Variants in TIAM2 observed in about 807,000 individuals in gnomAD.
TIAM2 encodes the protein TIAM Rac1 associated GEF 2, also known as rho guanine nucleotide exchange factor TIAM2.
TIAM2 carries 80 observed loss-of-function variants against 152.9 expected under a neutral mutation model. The observed-to-expected ratio is 0.52, with a 90% CI of 0.44 to 0.63. TIAM2 has a LOEUF of 0.63. Ranked by LOEUF, TIAM2 falls within the 30% of genes least tolerant of loss-of-function variation. The pLI is 0.00. For synonymous variants in TIAM2, 804 were observed against 838.0 expected (o/e 0.96, Z 0.70); for missense variants, 1,965 against 2,120.1 (o/e 0.93, Z 1.44).
chr6:155,117,496 G>A (rs373631737), intron 2 of TIAM2, among the ~76,000 whole-genome samples: 9 of 152,338 alleles, frequency 5.9e-5, no homozygotes, highest in Non-Finnish European at 1.3e-4. Context: ...AGGCTGGAAT[G>A]CAGTGGCGCC....
chr6:155,106,227 A>T (rs1778685178), intron 2 of TIAM2, among the ~76,000 whole-genome samples: 2 of 151,542 alleles, frequency 1.3e-5, no homozygotes, highest in African/African-American at 4.9e-5. Context: ...CTGGTTCCGA[A>T]CTCCTGACCT....
At chr6:155,145,108 G>A (rs1306261606) in intron 6 of TIAM2, among the ~76,000 whole-genome samples, 1 of 152,186 alleles carries the variant, frequency 6.6e-6, no homozygotes, top group Admixed American at 6.5e-5. Flanking sequence ...AAGATTCCCA[G>A]ATTTGGGGCT....
At chr6:155,128,480 T>A (rs2115035664) in intron 3 of TIAM2, among the ~76,000 whole-genome samples, 1 of 152,248 alleles carries the variant, frequency 6.6e-6, no homozygotes, top group Non-Finnish European at 1.5e-5. Flanking sequence ...AGTTTATGTA[T>A]AATGAAAATG....
chr6:155,045,307 C>A (rs189943658), intron 1 of TIAM2, among the ~76,000 whole-genome samples: 16 of 152,168 alleles, frequency 1.1e-4, no homozygotes, highest in Admixed American at 1.0e-3. Context: ...CGTGATCCAC[C>A]CATCTTGGCC....
intron 4 of TIAM2, among the ~76,000 whole-genome samples, chr6:155,135,731 A>G (rs4870360): frequency 0.64 from 97,130 of 151,972 alleles, 31,422 homozygotes; most frequent in Admixed American, 0.76. Context: ...CATTGTATTT[A>G]GAGCTACCTG....
At chr6:155,040,104 A>C (rs1016063940) in intron 1 of TIAM2, among the ~76,000 whole-genome samples, 1 of 152,160 alleles carries the variant, frequency 6.6e-6, no homozygotes. Context: ...TTTTCTGAGA[A>C]ATTATATGAA....
chr6:155,230,403 C>G (rs1346860262), intron 15 of TIAM2, among the ~76,000 whole-genome samples: 2 of 152,214 alleles, frequency 1.3e-5, no homozygotes, highest in Non-Finnish European at 2.9e-5. Context: ...AACCCTGGCT[C>G]CAGTGTTAGC....
At chr6:155,198,689 A>AAAAAAAAAG (rs1781408304) in intron 14 of TIAM2, among the ~76,000 whole-genome samples, 1 of 142,726 alleles carries the variant, frequency 7.0e-6, no homozygotes, top group African/African-American at 2.5e-5. Flanking sequence ...AAAAAAAAAA[A>AAAAAAAAAG]ATCTCTTAAT....
At chr6:155,017,237 T>C (rs1562290771) in intron 1 of TIAM2, among the ~76,000 whole-genome samples, 1 of 152,106 alleles carries the variant, frequency 6.6e-6, no homozygotes, top group Non-Finnish European at 1.5e-5. Flanking sequence ...TAATAAGGCT[T>C]ATCCAGGAAA....
chr6:155,168,023 G>A (rs915021211), intron 9 of TIAM2, among the ~76,000 whole-genome samples: 12 of 152,056 alleles, frequency 7.9e-5, no homozygotes, highest in South Asian at 2.1e-4. Flanking sequence ...GCATTTGGTC[G>A]AACATTTTTT....
intron 15 of TIAM2, among the ~76,000 whole-genome samples, chr6:155,231,625 C>G (rs576063899): frequency 2.7e-5 from 4 of 150,016 alleles, no homozygotes; most frequent in Non-Finnish European, 5.9e-5. Flanking sequence ...CCTGTGGGCC[C>G]TGCCAGCTTC....
intron 20 of TIAM2, 150 bp from the exon 21 acceptor site, chr6:155,249,701 G>T: frequency 1.8e-6 from 1 of 552,454 alleles, no homozygotes. Context: ...GCTACAGTGG[G>T]CTGTTGTGAC....
chr6:155,251,080 T>A, intron 22 of TIAM2, 59 bp downstream of exon 22: 1 of 1,459,500 alleles, frequency 6.9e-7, no homozygotes, highest in South Asian at 1.1e-5. Context: ...CGGAAGAACT[T>A]CACTAGCCGC....
chr6:155,027,288 A>G (rs1320883072), intron 1 of TIAM2, among the ~76,000 whole-genome samples: 1 of 150,360 alleles, frequency 6.7e-6, no homozygotes, highest in Admixed American at 6.7e-5. Flanking sequence ...GGCCTCCCAA[A>G]GTGTTGGGAT....
intron 5 of TIAM2, among the ~76,000 whole-genome samples, chr6:155,142,298 G>C (rs1779729272): frequency 6.6e-6 from 1 of 152,000 alleles, no homozygotes; most frequent in South Asian, 2.1e-4. Flanking sequence ...TTACTTCCTG[G>C]CCTGGCTCTA....
At chr6:155,145,849 G>A (rs1312835724) in intron 6 of TIAM2, among the ~76,000 whole-genome samples, 1 of 152,128 alleles carries the variant, frequency 6.6e-6, no homozygotes, top group East Asian at 1.9e-4. Context: ...TAATTGTACT[G>A]CCATTCCCAA....
chr6:155,159,966 A>G (rs1238102836), intron 7 of TIAM2, among the ~76,000 whole-genome samples: 1 of 152,186 alleles, frequency 6.6e-6, no homozygotes, highest in East Asian at 1.9e-4. Flanking sequence ...TCTCCAGAGA[A>G]ACAGAAACAG....
rs770342401 is a variant in TIAM2, at chr6:155,148,151, A to C, written c.1845A>C (p.Val615=). 1 of 1,613,850 alleles carries C rather than the reference A, an allele frequency of 6.2e-7. No individual in the cohort carries two copies. The highest frequency in any genetic ancestry group is 1.1e-5 in the South Asian group (1 of 91,068). ...ATCTAGAAAACTGGGTCACTGCTGTACACTCTGCTTGTGCATCCCTTTTTG... is the reference window on the plus strand; with the variant it reads ...ATCTAGAAAACTGGGTCACTGCTGTCCACTCTGCTTGTGCATCCCTTTTTG... The part of the protein sequence containing the change: ...QTDLENWVTA[V]HSACASLFAK... Residue 615 remains valine, a synonymous_variant, in exon 7 of 27, where the codon GTA becomes GTC. Coordinates refer to ENST00000682666, the MANE Select transcript of TIAM2 (RefSeq NM_012454.4).
At chr6:155,020,419 A>G (rs13205021) in intron 1 of TIAM2, among the ~76,000 whole-genome samples, 21,233 of 152,176 alleles carry the variant, frequency 0.14, 1,617 homozygotes, top group East Asian at 0.29. Flanking sequence ...ACTTTAAAAA[A>G]TATGGTAAAA....
Sources: gnomAD v4.1 joint callset for allele counts (sites outside exome capture counted in the v4.1 genomes callset) on GRCh38, gnomAD v4.1.1 for gene constraint, MANE v1.5 for transcripts, NCBI Gene and HGNC (gene_info 2026-07-23, HGNC 2026-07-21) for gene names.